LRRTM3: variants seen among roughly 807,000 people sequenced by gnomAD.
LRRTM3 encodes leucine rich repeat transmembrane neuronal 3.
A neutral mutation model predicts 44.7 loss-of-function variants in LRRTM3; 24 were observed. The observed-to-expected ratio is 0.54, with a 90% CI of 0.39 to 0.76. LRRTM3 has a LOEUF of 0.76. Ranked by LOEUF, LRRTM3 falls within the 30% of genes least tolerant of loss-of-function variation. The pLI is 0.00. For synonymous variants in LRRTM3, 277 were observed against 278.7 expected (o/e 0.99, Z 0.06); for missense variants, 587 against 702.2 (o/e 0.84, Z 1.85).
intron 2 of LRRTM3, among the ~76,000 whole-genome samples, chr10:67,078,400 A>C (rs778306492): frequency 5.9e-5 from 9 of 152,246 alleles, no homozygotes; most frequent in Non-Finnish European, 1.0e-4. Context: ...AAAGAAAATG[A>C]TCAGAAAGAA....
intron 2 of LRRTM3, among the ~76,000 whole-genome samples, chr10:67,003,159 T>G (rs1925614): frequency 4.6e-5 from 7 of 151,938 alleles, no homozygotes; most frequent in Admixed American, 6.6e-5. Flanking sequence ...ACTTCATTCC[T>G]TACCAGGATG....
chr10:67,083,162 T>A (rs1338257488), intron 2 of LRRTM3, among the ~76,000 whole-genome samples: 1 of 151,910 alleles, frequency 6.6e-6, no homozygotes, highest in East Asian at 1.9e-4. Flanking sequence ...TAGGTCTACC[T>A]AATTTGAGAA....
chr10:66,998,108 G>A (rs1851460610), intron 2 of LRRTM3, among the ~76,000 whole-genome samples: 1 of 152,146 alleles, frequency 6.6e-6, no homozygotes, highest in South Asian at 2.1e-4. Context: ...TGAGATGGCT[G>A]ATGCCATTCC....
At chr10:67,070,016 C>T (rs1462235989) in intron 2 of LRRTM3, among the ~76,000 whole-genome samples, 1 of 152,200 alleles carries the variant, frequency 6.6e-6, no homozygotes, top group African/African-American at 2.4e-5. Context: ...CACCCACTAG[C>T]AGACCATGAG....
At position 66,951,492 on chromosome 10, in the gene LRRTM3, C is replaced by T. The variant is rs561695975; in HGVS notation, c.1536+23040C>T. ...TGTCCCCTAACGTATTTAATTCTTA[C>T]GACAAATCTATGAGATAGGTACTGT... is the stretch of plus-strand genomic sequence containing the variant. On this transcript the variant is annotated intron_variant, in intron 2 of 2. Coordinates refer to ENST00000361320, the MANE Select transcript of LRRTM3 (RefSeq NM_178011.5). Among the ~76,000 whole-genome samples, 28 of 152,226 alleles carry T rather than the reference C, an allele frequency of 1.8e-4. No individual in the cohort carries two copies. In the South Asian group the frequency reaches 2.5e-3, roughly 14 times the overall value.
intron 2 of LRRTM3, among the ~76,000 whole-genome samples, chr10:66,958,213 G>A (rs1848923902): frequency 6.6e-6 from 1 of 150,684 alleles, no homozygotes; most frequent in South Asian, 2.1e-4. Context: ...TATTCTAATT[G>A]GCCCAACTGA....
intron 2 of LRRTM3, 87 bp from the exon 3 acceptor site, chr10:67,097,500 G>C: frequency 8.5e-7 from 1 of 1,174,274 alleles, no homozygotes; most frequent in Non-Finnish European, 1.2e-6. Context: ...ATGGAGGTTA[G>C]TCAGGTCAGC....
At chr10:67,073,195 TG>T (rs1306267478) in intron 2 of LRRTM3, among the ~76,000 whole-genome samples, 9 of 152,224 alleles carry the variant, frequency 5.9e-5, no homozygotes, top group Non-Finnish European at 1.2e-4. Flanking sequence ...CTAATTTATT[TG>T]GTTTGTACAG....
intron 2 of LRRTM3, among the ~76,000 whole-genome samples, chr10:66,948,135 T>G (rs1024719957): frequency 6.6e-6 from 1 of 152,204 alleles, no homozygotes; most frequent in Admixed American, 6.5e-5. Context: ...AGTCCCTCAT[T>G]GGCCACAACA....
rs751117205 is a variant in LRRTM3, at chr10:67,097,737, G to T, written c.1687G>T (p.Asp563Tyr). ...TMETHLETEL[D>Y]LSTITTAGRI... is the part of the protein sequence containing the mutation. ...GGAAACACACCTAGAGACTGAGCTG[G>T]ACCTGAGCACAATCACAACAGCTGG... is the stretch of plus-strand genomic sequence containing the variant. The change falls in exon 3 of 3, where the codon GAC becomes TAC. Residue 563 changes from aspartate (D) to tyrosine (Y), a missense_variant. By Grantham distance (160) the Asp-to-Tyr change is radical (BLOSUM62 -3). Coordinates refer to ENST00000361320, the MANE Select transcript of LRRTM3 (RefSeq NM_178011.5). 2 of 1,612,590 alleles carry T rather than the reference G, an allele frequency of 1.2e-6. No individual in the cohort carries two copies. The highest frequency in any genetic ancestry group is 1.7e-6 in the Non-Finnish European group (2 of 1,179,030).
intron 2 of LRRTM3, among the ~76,000 whole-genome samples, chr10:66,977,778 A>G (rs1834952812): frequency 6.6e-6 from 1 of 152,182 alleles, no homozygotes; most frequent in Admixed American, 6.6e-5. Flanking sequence ...TTGGGTGGAT[A>G]GTTTTTGTCC....
chr10:67,009,930 G>A (rs1429364496), intron 2 of LRRTM3, among the ~76,000 whole-genome samples: 1 of 151,974 alleles, frequency 6.6e-6, no homozygotes, highest in Non-Finnish European at 1.5e-5. Context: ...GCATTCTCTG[G>A]TTCTGAAACT....
chr10:66,967,199 G>T (rs1481975013), intron 2 of LRRTM3, among the ~76,000 whole-genome samples: 1 of 151,802 alleles, frequency 6.6e-6, no homozygotes, highest in Non-Finnish European at 1.5e-5. Context: ...GCACATACAC[G>T]CATACATTAG....
chr10:66,928,437 C>G lies in LRRTM3; in HGVS notation c.1521C>G (p.Gly507=). The G allele has an allele frequency of 6.2e-7, 1 of 1,607,746 alleles. No individual in the cohort carries two copies. Among genetic ancestry groups the G allele is most frequent in the Non-Finnish European group, 8.5e-7 (1 of 1,177,822 alleles). ...GACCCTGCACCTATAACAAATCGGGCTCCAGGGAGTGTGAGGTATGAACCA... is the reference window on the plus strand; with the variant it reads ...GACCCTGCACCTATAACAAATCGGGGTCCAGGGAGTGTGAGGTATGAACCA... ...GTGPCTYNKS[G]SRECEIPLSM... The change falls in exon 2 of 3, where the codon GGC becomes GGG. Residue 507 remains glycine (G), a synonymous_variant. Transcript: ENST00000361320.
chr10:67,029,843 A>G (rs1282714512), intron 2 of LRRTM3, among the ~76,000 whole-genome samples: 1 of 152,212 alleles, frequency 6.6e-6, no homozygotes, highest in Non-Finnish European at 1.5e-5. Flanking sequence ...CGGTTCCTCA[A>G]TGACACTAAA....
At chr10:67,031,111 G>A (rs2133109799) in intron 2 of LRRTM3, among the ~76,000 whole-genome samples, 1 of 152,316 alleles carries the variant, frequency 6.6e-6, no homozygotes, top group Admixed American at 6.5e-5. Context: ...TTTGTAAAGA[G>A]TTTAAACTAG....
intron 2 of LRRTM3, among the ~76,000 whole-genome samples, chr10:66,998,663 G>A (rs996245175): frequency 6.6e-6 from 1 of 152,110 alleles, no homozygotes; most frequent in African/African-American, 2.4e-5. Context: ...AAAAAATATA[G>A]TAATTCCAAA....
intron 2 of LRRTM3, among the ~76,000 whole-genome samples, chr10:67,066,014 T>A (rs1015210336): frequency 1.3e-5 from 2 of 152,046 alleles, no homozygotes; most frequent in African/African-American, 4.8e-5. Context: ...TTATTAGAAA[T>A]AATAATTGCT....
chr10:66,926,112 T>C lies in LRRTM3; in HGVS notation c.-472T>C, dbSNP rs1202489727. 1 of 458,714 alleles carries C rather than the reference T, an allele frequency of 2.2e-6. No homozygotes were observed. The highest frequency in any genetic ancestry group is 2.3e-5 in the Admixed American group (1 of 42,630). 28.4% of individuals were successfully genotyped at this position (458,714 alleles called of 1,614,324 possible). A position where few individuals can be genotyped will look rare whatever the true frequency, so the allele number is the denominator to read the frequency against. ...GTGCGCGGTACGGGGCTCTCCTGCC[T>C]TCTGGGCTCCAACGCAGCTCTGTGG... is the stretch of plus-strand genomic sequence containing the variant. On this transcript the variant is annotated 5_prime_UTR_variant, in exon 1 of 3. Coordinates refer to ENST00000361320, the MANE Select transcript of LRRTM3 (RefSeq NM_178011.5).
Sources: gnomAD v4.1 joint callset for allele counts (sites outside exome capture counted in the v4.1 genomes callset) on GRCh38, gnomAD v4.1.1 for gene constraint, MANE v1.5 for transcripts, NCBI Gene and HGNC (gene_info 2026-07-23, HGNC 2026-07-21) for gene names.